FAAH2: variants seen among roughly 807,000 people sequenced by gnomAD.
FAAH2 encodes the protein fatty acid amide hydrolase 2, also known as fatty-acid amide hydrolase 2.
FAAH2 carries 60 observed loss-of-function variants against 36.9 expected under a neutral mutation model. The ratio of observed to expected loss-of-function variants is 1.63; its 90% CI spans 1.32 to 2.02. The LOEUF (loss-of-function observed/expected upper bound fraction) is 2.02, where lower values mean the gene tolerates loss of function less well. Ranked by LOEUF, FAAH2 falls within the 30% of genes most tolerant of loss-of-function variation. FAAH2 has a pLI of 0.00. For missense variants in FAAH2, 689 were observed against 397.5 expected (o/e 1.73, Z -6.23); for synonymous variants, 214 against 143.8 (o/e 1.49, Z -3.49).
the FAAH2 span, among the ~76,000 whole-genome samples, chrX:57,276,942 C>A: frequency 9.0e-6 from 1 of 111,246 alleles, no homozygotes; most frequent in Non-Finnish European, 1.9e-5. Flanking sequence ...AATAGTTTAC[C>A]AACCAAAAAA....
chrX:57,152,263 G>A, the FAAH2 span, among the ~76,000 whole-genome samples: 1 of 112,291 alleles, frequency 8.9e-6, no homozygotes, highest in Non-Finnish European at 1.9e-5. Context: ...ATCTCCGGCT[G>A]CGTGCTGGGA....
chrX:57,438,919 A>T (rs2056480320), intron 8 of FAAH2, among the ~76,000 whole-genome samples: 2 of 110,034 alleles, frequency 1.8e-5, no homozygotes, highest in Non-Finnish European at 1.9e-5. Context: ...TGTCCCTACA[A>T]AGGACATGAA....
chrX:57,382,968 C>T (rs1306513111), intron 7 of FAAH2, among the ~76,000 whole-genome samples: 1 of 111,205 alleles, frequency 9.0e-6, no homozygotes, highest in Admixed American at 9.6e-5. Context: ...CATCAAAAAG[C>T]TTATCCACCA....
At chrX:57,317,210 A>C (rs2052867116) in intron 3 of FAAH2, among the ~76,000 whole-genome samples, 1 of 112,468 alleles carries the variant, frequency 8.9e-6, no homozygotes, top group Non-Finnish European at 1.9e-5. Flanking sequence ...CAATTAAAAG[A>C]CACAGACTGG....
chrX:57,244,084 G>A, the FAAH2 span, among the ~76,000 whole-genome samples: 7 of 107,825 alleles, frequency 6.5e-5, no homozygotes, highest in African/African-American at 2.0e-4. Context: ...CATAGCATGA[G>A]AACTTCGTGA....
intron 10 of FAAH2, among the ~76,000 whole-genome samples, chrX:57,488,524 A>G (rs1053761467): frequency 3.6e-5 from 4 of 111,586 alleles, no homozygotes; most frequent in South Asian, 7.4e-4. Context: ...TAACTTCTCT[A>G]TTCTTCAGTC....
chrX:57,212,717 A>G, the FAAH2 span, among the ~76,000 whole-genome samples: 4 of 112,251 alleles, frequency 3.6e-5, no homozygotes, highest in African/African-American at 1.3e-4. Flanking sequence ...AAAATATGGG[A>G]CTACATAAAA....
chrX:57,304,791 T>G (rs2052472676), intron 2 of FAAH2, among the ~76,000 whole-genome samples: 1 of 111,799 alleles, frequency 8.9e-6, no homozygotes, highest in South Asian at 3.8e-4. Context: ...TTTATCTCAG[T>G]TTCCTCATAA....
intron 10 of FAAH2, among the ~76,000 whole-genome samples, chrX:57,457,020 C>A (rs1214728424): frequency 9.0e-6 from 1 of 111,657 alleles, no homozygotes; most frequent in African/African-American, 3.3e-5. Flanking sequence ...AAGTCAATAT[C>A]CCTGATGAAC....
chrX:57,460,888 T>C (rs2056946442), intron 10 of FAAH2, among the ~76,000 whole-genome samples: 1 of 111,577 alleles, frequency 9.0e-6, no homozygotes, highest in African/African-American at 3.3e-5. Flanking sequence ...CCCATCATTG[T>C]GCTGTATTCA....
chrX:57,465,984 A>G (rs2057039685), intron 10 of FAAH2, among the ~76,000 whole-genome samples: 1 of 109,493 alleles, frequency 9.1e-6, no homozygotes, highest in South Asian at 3.9e-4. Context: ...AATGAAGACT[A>G]CTGGAAATGG....
the FAAH2 span, among the ~76,000 whole-genome samples, chrX:57,127,827 C>G: frequency 9.0e-6 from 1 of 111,295 alleles, no homozygotes; most frequent in Non-Finnish European, 1.9e-5. Flanking sequence ...AAACCATTTT[C>G]TATGTTATTA....
intron 7 of FAAH2, chrX:57,394,963 G>A (rs961582709): frequency 3.4e-6 from 2 of 584,014 alleles, no homozygotes; most frequent in African/African-American, 4.4e-5. Flanking sequence ...TGAGTTCCAA[G>A]CATCCTTTAG....
chrX:57,485,808 C>A (rs2057463913), intron 10 of FAAH2, among the ~76,000 whole-genome samples: 1 of 111,577 alleles, frequency 9.0e-6, no homozygotes. Flanking sequence ...TTTTTGTGTT[C>A]TTGTTTTGGT....
At chrX:57,278,998 T>C in the FAAH2 span, among the ~76,000 whole-genome samples, 3 of 112,093 alleles carry the variant, frequency 2.7e-5, no homozygotes, top group Admixed American at 1.9e-4. Context: ...GCTTTTACAC[T>C]GTTAGGGGAG....
intron 2 of FAAH2, among the ~76,000 whole-genome samples, chrX:57,296,120 G>A (rs1013627093): frequency 9.8e-5 from 11 of 112,209 alleles, no homozygotes; most frequent in East Asian, 2.8e-4. Context: ...CTCCCAGCAC[G>A]CAGCTTGAGA....
At position 57,489,164 on chromosome X, in the gene FAAH2, G is replaced by A. The variant is rs190429915; in HGVS notation, c.*232G>A. 781 of 353,906 alleles carry A rather than the reference G, an allele frequency of 2.2e-3. 2 individuals carry two copies. Among genetic ancestry groups the A allele is most frequent in the Middle Eastern group, 2.3e-3 (3 of 1,303 alleles). The allele number at this position is 353,906 out of a possible 1,213,427, so 29.2% of individuals were successfully genotyped here. A position where few individuals can be genotyped will look rare whatever the true frequency, so the allele number is the denominator to read the frequency against. ...ACTGGAAAATTAGGACATGTAAATG[G>A]ATAAGTGCAATAAAGTTTCCTAAAT... is the stretch of plus-strand genomic sequence containing the variant. On this transcript the variant is annotated 3_prime_UTR_variant, in exon 11 of 11. Coordinates refer to ENST00000374900, the MANE Select transcript of FAAH2 (RefSeq NM_174912.4).
Position 57,448,514 on chromosome X carries a change from C to T in FAAH2, c.1229-10C>T. The T allele has an allele frequency of 8.3e-7, 1 of 1,198,290 alleles. No homozygotes were observed. The highest frequency in any genetic ancestry group is 1.1e-6 in the Non-Finnish European group (1 of 887,804). On this transcript the variant is annotated splice_polypyrimidine_tract_variant and intron_variant, in intron 9 of 10. Coordinates refer to ENST00000374900, the MANE Select transcript of FAAH2 (RefSeq NM_174912.4). ...ATTACCTTAACTTGATATATGATAT[C>T]ATTCTGTAGGACTGGCTTTGTTGGA...
At chrX:57,276,399 G>A in the FAAH2 span, among the ~76,000 whole-genome samples, 1 of 111,892 alleles carries the variant, frequency 8.9e-6, no homozygotes, top group Non-Finnish European at 1.9e-5. Context: ...CAACATACCA[G>A]AATCTTTGTG....
Sources: allele counts gnomAD v4.1 joint callset (sites outside exome capture counted in the v4.1 genomes callset), GRCh38; gene constraint gnomAD v4.1.1; transcripts MANE v1.5; gene names NCBI Gene and HGNC (gene_info 2026-07-23, HGNC 2026-07-21).